SATB2: variants seen among roughly 807,000 people sequenced by gnomAD.
SATB2 encodes the protein DNA-binding protein SATB2.
Under a neutral mutation model 73.4 loss-of-function variants are expected in SATB2, and 1 was observed. That is an observed-to-expected ratio of 0.01 (90% CI 0.00 to 0.06). The LOEUF (loss-of-function observed/expected upper bound fraction) is 0.06, where lower values mean the gene tolerates loss of function less well. Among genes scored for constraint, SATB2 ranks in the 10% least tolerant of loss-of-function variants. SATB2 has a pLI of 1.00. For synonymous variants in SATB2, 397 were observed against 367.0 expected (o/e 1.08, Z -0.93); for missense variants, 459 against 945.8 (o/e 0.49, Z 6.75).
intron 2 of SATB2, among the ~76,000 whole-genome samples, chr2:199,441,044 TC>T (rs1423724493): frequency 6.6e-6 from 1 of 151,904 alleles, no homozygotes; most frequent in Non-Finnish European, 1.5e-5. Context: ...ACAGGGTTTC[TC>T]CATGTTGGTC....
At chr2:199,417,501 G>C (rs571152384) in intron 3 of SATB2, among the ~76,000 whole-genome samples, 3 of 152,154 alleles carry the variant, frequency 2.0e-5, no homozygotes, top group Admixed American at 1.3e-4. Context: ...TTCTCAACAC[G>C]ACTGTGGGAA....
At position 199,429,020 on chromosome 2, in the gene SATB2, A is replaced by AG. The variant is rs1691419798; in HGVS notation, c.346+4317_346+4318insC. Among the ~76,000 whole-genome samples the AG allele has an allele frequency of 2.6e-5, 4 of 151,520 alleles. No individual in the cohort carries two copies. In the South Asian group the frequency reaches 8.3e-4, roughly 32 times the overall value. On this transcript the variant is annotated intron_variant, in intron 3 of 10. Coordinates refer to ENST00000417098, the MANE Select transcript of SATB2 (RefSeq NM_001172509.2). ...GACTCTGTCTCAAAAAAAAAAAAAA[A>AG]AAAGAAAGAAAGAAAGAAAAAAACC... is the stretch of plus-strand genomic sequence containing the variant.
intron 10 of SATB2, among the ~76,000 whole-genome samples, chr2:199,302,511 A>G (rs1029506664): frequency 6.6e-6 from 1 of 152,140 alleles, no homozygotes; most frequent in Admixed American, 6.6e-5. Flanking sequence ...CATCTTCCCA[A>G]GTGAGGACCT....
At chr2:199,468,521 G>A (rs763066421), upstream of SATB2, among the ~76,000 whole-genome samples, 2 of 152,200 alleles carry the variant, frequency 1.3e-5, no homozygotes, top group African/African-American at 2.4e-5. Flanking sequence ...TTGCAGTGAG[G>A]TATTTGTGCA....
intron 3 of SATB2, among the ~76,000 whole-genome samples, chr2:199,383,919 T>C (rs1233952754): frequency 6.6e-6 from 1 of 152,224 alleles, no homozygotes; most frequent in Non-Finnish European, 1.5e-5. Context: ...AAAGGGGCAT[T>C]ACATAGGCAG....
chr2:199,301,278 A>C (rs1687282522), intron 10 of SATB2, among the ~76,000 whole-genome samples: 1 of 152,138 alleles, frequency 6.6e-6, no homozygotes, highest in Non-Finnish European at 1.5e-5. Flanking sequence ...TACATTAAAA[A>C]AGAAGTCATA....
intron 10 of SATB2, among the ~76,000 whole-genome samples, chr2:199,288,082 C>T (rs905456949): frequency 1.3e-5 from 2 of 152,088 alleles, no homozygotes; most frequent in East Asian, 1.9e-4. Flanking sequence ...GGCTATTATT[C>T]AATATTTCAA....
At position 199,329,327 on chromosome 2, in the gene SATB2, TC is replaced by T. The variant is rs1484669379; in HGVS notation, c.1174-418del. The T allele has an allele frequency of 4.8e-5, 9 of 187,896 alleles. No homozygotes were observed. The Admixed American group carries it at 4.9e-4, about 10-fold the overall frequency. The allele number at this position is 187,896 out of a possible 1,614,324, so 11.6% of individuals were successfully genotyped here. ...TCTGCCAAGTTTGGTAAATTTAGTTTCGACATTTAAACAGCATGGTAGATTT... is the reference window on the plus strand; with the variant it reads ...TCTGCCAAGTTTGGTAAATTTAGTTTGACATTTAAACAGCATGGTAGATTT... On this transcript the variant is annotated intron_variant, in intron 7 of 10. Transcript: ENST00000417098.
At chr2:199,467,342 A>T (rs1338482327), upstream of SATB2, 1 of 152,280 alleles carries the variant, frequency 6.6e-6, no homozygotes, top group Admixed American at 6.5e-5. Context: ...CGCGTGGCGA[A>T]AAAGGGGGAG....
At chr2:199,391,509 T>A (rs1388174522) in intron 3 of SATB2, among the ~76,000 whole-genome samples, 1 of 151,340 alleles carries the variant, frequency 6.6e-6, no homozygotes, top group Non-Finnish European at 1.5e-5. Flanking sequence ...CATATACACA[T>A]CAGGGACATT....
chr2:199,313,783 A>G (rs563993288), intron 9 of SATB2, among the ~76,000 whole-genome samples: 8 of 152,330 alleles, frequency 5.3e-5, no homozygotes, highest in African/African-American at 1.9e-4. Flanking sequence ...AGTTTCATTA[A>G]TGAGTTGCAT....
chr2:199,346,995 T>G (rs1688672642), intron 7 of SATB2: 1 of 151,992 alleles, frequency 6.6e-6, no homozygotes, highest in Admixed American at 6.6e-5. Flanking sequence ...CCTGAGTAGC[T>G]GAGACTACAG....
upstream of SATB2, chr2:199,458,860 G>A (rs907955340): frequency 3.3e-6 from 1 of 300,102 alleles, no homozygotes; most frequent in Admixed American, 5.4e-5. Flanking sequence ...GGCCCGCCGC[G>A]CTTCGTGCCG....
intron 3 of SATB2, among the ~76,000 whole-genome samples, chr2:199,417,036 TCACACACACACACACACACA>T (rs55763647): frequency 1.4e-5 from 2 of 144,166 alleles, no homozygotes; most frequent in African/African-American, 2.6e-5. Context: ...ACTCCGTCTC[TCACACACACACACACACACA>T]CACACACACA....
chr2:199,372,138 T>C (rs994732059), intron 5 of SATB2, among the ~76,000 whole-genome samples: 4 of 152,170 alleles, frequency 2.6e-5, no homozygotes, highest in Admixed American at 2.0e-4. Flanking sequence ...AACTTGAAAA[T>C]TTCTGACTTC....
chr2:199,300,182 G>A (rs1453701484), intron 10 of SATB2, among the ~76,000 whole-genome samples: 1 of 151,540 alleles, frequency 6.6e-6, no homozygotes, highest in Non-Finnish European at 1.5e-5. Context: ...AAGGAGGGAG[G>A]GAGGCAGGGA....
At chr2:199,339,832 A>T (rs1688452545) in intron 7 of SATB2, among the ~76,000 whole-genome samples, 1 of 152,176 alleles carries the variant, frequency 6.6e-6, no homozygotes, top group South Asian at 2.1e-4. Flanking sequence ...GTTAAAAGAG[A>T]AGTTTCTACT....
intron 10 of SATB2, among the ~76,000 whole-genome samples, chr2:199,288,043 A>G (rs1177026323): frequency 6.6e-6 from 1 of 152,172 alleles, no homozygotes; most frequent in African/African-American, 2.4e-5. Flanking sequence ...AATCTACTAG[A>G]CTCTAAGAAT....
chr2:199,395,017 C>A (rs1281360870), intron 3 of SATB2, among the ~76,000 whole-genome samples: 2 of 151,910 alleles, frequency 1.3e-5, no homozygotes, highest in Non-Finnish European at 2.9e-5. Flanking sequence ...CATACACATT[C>A]TATAATACAT....
Sources: gnomAD v4.1 joint callset for allele counts (sites outside exome capture counted in the v4.1 genomes callset) on GRCh38, gnomAD v4.1.1 for gene constraint, MANE v1.5 for transcripts, NCBI Gene and HGNC (gene_info 2026-07-23, HGNC 2026-07-21) for gene names.